Variants in BACH2 observed in about 807,000 individuals in gnomAD.
The protein encoded by BACH2 is transcription regulator protein BACH2.
In BACH2, 5 loss-of-function variants were observed where a neutral mutation model predicts 61.8. That is an observed-to-expected ratio of 0.08 (90% CI 0.04 to 0.17). The LOEUF is 0.17. Among genes scored for constraint, BACH2 ranks in the 10% least tolerant of loss-of-function variants. BACH2 has a pLI of 1.00. For missense variants in BACH2, 824 were observed against 1,091.1 expected, an observed-to-expected ratio of 0.76 and a Z score of 3.45; for synonymous variants, 446 against 440.1, an observed-to-expected ratio of 1.01 and a Z score of -0.17.
chr6:89,974,517 T>C (rs1775543822), intron 6 of BACH2, among the ~76,000 whole-genome samples: 1 of 152,224 alleles, frequency 6.6e-6, no homozygotes, highest in East Asian at 1.9e-4. Flanking sequence ...ATTCCCCATA[T>C]ATCACGGGAG....
intron 3 of BACH2, among the ~76,000 whole-genome samples, chr6:90,237,027 G>A (rs1001963426): frequency 4.6e-5 from 7 of 151,930 alleles, no homozygotes; most frequent in African/African-American, 7.3e-5. Flanking sequence ...AGGTTCAAGC[G>A]ATTCTCCTGC....
intron 5 of BACH2, among the ~76,000 whole-genome samples, chr6:90,081,709 TAAAC>T (rs982652551): frequency 1.3e-5 from 2 of 152,142 alleles, no homozygotes; most frequent in Admixed American, 6.5e-5. Flanking sequence ...CTTTTTTTTT[TAAAC>T]AAACAAAATC....
At chr6:89,937,118 G>A (rs763006810) in intron 8 of BACH2, among the ~76,000 whole-genome samples, 3 of 152,074 alleles carry the variant, frequency 2.0e-5, no homozygotes, top group South Asian at 2.1e-4. Flanking sequence ...CCTGGGAGAC[G>A]GGAGTTTGTT....
At chr6:90,221,425 A>G (rs1241232351) in intron 3 of BACH2, among the ~76,000 whole-genome samples, 1 of 152,206 alleles carries the variant, frequency 6.6e-6, no homozygotes. Flanking sequence ...TCAAGGTCTG[A>G]TGTATATAAA....
chr6:90,211,838 G>T (rs764837803), intron 3 of BACH2, among the ~76,000 whole-genome samples: 1 of 152,184 alleles, frequency 6.6e-6, no homozygotes, highest in Non-Finnish European at 1.5e-5. Flanking sequence ...ACTCTTCGCA[G>T]TGTTAAAGGT....
intron 4 of BACH2, among the ~76,000 whole-genome samples, chr6:90,171,772 A>T (rs1767823874): frequency 6.6e-6 from 1 of 152,194 alleles, no homozygotes; most frequent in African/African-American, 2.4e-5. Context: ...TAACATTTTT[A>T]AAAAAGTAAA....
chr6:90,284,075 T>C (rs952337375), intron 1 of BACH2, among the ~76,000 whole-genome samples: 1 of 152,126 alleles, frequency 6.6e-6, no homozygotes, highest in Non-Finnish European at 1.5e-5. Flanking sequence ...TAAATATACA[T>C]GTTGGTCTTA....
chr6:90,004,297 G>A (rs1777287464), intron 6 of BACH2, among the ~76,000 whole-genome samples: 1 of 152,122 alleles, frequency 6.6e-6, no homozygotes, highest in African/African-American at 2.4e-5. Flanking sequence ...CCAAAATGTT[G>A]AGTGAGAGAG....
At chr6:90,152,101 C>A (rs1177691300) in intron 4 of BACH2, among the ~76,000 whole-genome samples, 1 of 152,216 alleles carries the variant, frequency 6.6e-6, no homozygotes, top group African/African-American at 2.4e-5. Context: ...ATTGCTTGGT[C>A]AGCTTCAAAT....
rs543553991 is a variant in BACH2 at position 90,064,694 on chromosome 6, T to C, written c.-13+24267A>G. Among the ~76,000 whole-genome samples the C allele has an allele frequency of 2.0e-5, 3 of 152,256 alleles. No homozygotes were observed. The East Asian group carries it at 5.8e-4, about 29-fold the overall frequency. On this transcript the variant is annotated intron_variant, in intron 5 of 8. Coordinates refer to ENST00000257749, the MANE Select transcript of BACH2 (RefSeq NM_021813.4). Reference sequence around the variant, plus strand: ...AAATAACAAATGGATGGTAGAGCCATAGTTAAACGCTAAAGATCCTTAATG... The same window carrying C: ...AAATAACAAATGGATGGTAGAGCCACAGTTAAACGCTAAAGATCCTTAATG...
At chr6:90,010,437 T>C (rs1341496553) in intron 5 of BACH2, among the ~76,000 whole-genome samples, 1 of 152,254 alleles carries the variant, frequency 6.6e-6, no homozygotes, top group Admixed American at 6.5e-5. Flanking sequence ...TCAAGTTTGT[T>C]CCTTTATTAC....
intron 2 of BACH2, among the ~76,000 whole-genome samples, chr6:90,268,390 C>G (rs1771414494): frequency 6.6e-6 from 1 of 152,128 alleles, no homozygotes. Context: ...AAATTAGTAT[C>G]TACTGAACTT....
At chr6:90,207,931 C>A (rs1302223413) in intron 3 of BACH2, among the ~76,000 whole-genome samples, 2 of 152,164 alleles carry the variant, frequency 1.3e-5, no homozygotes, top group Non-Finnish European at 2.9e-5. Flanking sequence ...TAAACTCCTA[C>A]TCCATGCACA....
At chr6:90,091,663 A>G (rs1782163478) in intron 4 of BACH2, among the ~76,000 whole-genome samples, 1 of 151,992 alleles carries the variant, frequency 6.6e-6, no homozygotes. Context: ...AAATAACCTC[A>G]CTCTTTCACT....
chr6:90,171,918 T>C (rs1023455391), intron 4 of BACH2, among the ~76,000 whole-genome samples: 8 of 152,092 alleles, frequency 5.3e-5, no homozygotes, highest in East Asian at 1.9e-4. Context: ...AATACCAAAA[T>C]AGATGCAGCT....
intron 5 of BACH2, among the ~76,000 whole-genome samples, chr6:90,065,628 A>G (rs1780922974): frequency 6.6e-6 from 1 of 152,172 alleles, no homozygotes; most frequent in South Asian, 2.1e-4. Flanking sequence ...ATCCCAGATT[A>G]TTCAGCCCCA....
At chr6:90,296,415 C>A (rs1756694140) in intron 1 of BACH2, 65 bp downstream of exon 1, 2 of 150,858 alleles carry the variant, frequency 1.3e-5, no homozygotes, top group Admixed American at 1.3e-4. Context: ...CGCCCGCTCC[C>A]CCCGCAAACT....
intron 4 of BACH2, among the ~76,000 whole-genome samples, chr6:90,167,656 G>C (rs1240370114): frequency 1.3e-5 from 2 of 152,194 alleles, no homozygotes; most frequent in Non-Finnish European, 2.9e-5. Flanking sequence ...ACTGCGCCTG[G>C]CCTGCTATCA....
chr6:90,017,468 C>T (rs367643876), intron 5 of BACH2, among the ~76,000 whole-genome samples: 20 of 152,252 alleles, frequency 1.3e-4, no homozygotes, highest in African/African-American at 4.6e-4. Context: ...ATAATCTGCG[C>T]ACCTCGGCCT....
Sources: gnomAD v4.1 joint callset for allele counts (sites outside exome capture counted in the v4.1 genomes callset) on GRCh38, gnomAD v4.1.1 for gene constraint, MANE v1.5 for transcripts, NCBI Gene and HGNC (gene_info 2026-07-23, HGNC 2026-07-21) for gene names.